Variants in ASIP observed in about 807,000 individuals in gnomAD.
ASIP encodes the protein agouti-signaling protein.
Under a neutral mutation model 10.3 loss-of-function variants are expected in ASIP, and 11 were observed. That is an observed-to-expected ratio of 1.07 (90% CI 0.68 to 1.78). The LOEUF (loss-of-function observed/expected upper bound fraction) is 1.78. Among genes scored for constraint, ASIP ranks in the 40% most tolerant of loss-of-function variants. ASIP has a pLI of 0.00. For missense variants in ASIP, 180 were observed against 169.2 expected, an observed-to-expected ratio of 1.06 and a Z score of -0.35; for synonymous variants, 70 against 70.8, an observed-to-expected ratio of 0.99 and a Z score of 0.06.
chr20:34,205,006 A>C (rs1333468817), intron 1 of ASIP, among the ~76,000 whole-genome samples: 2 of 152,242 alleles, frequency 1.3e-5, no homozygotes, highest in Non-Finnish European at 2.9e-5. Context: ...TTATTTTGAA[A>C]GGTACAATAA....
At chr20:34,265,031 G>A (rs970378876) in intron 3 of ASIP, among the ~76,000 whole-genome samples, 1 of 151,958 alleles carries the variant, frequency 6.6e-6, no homozygotes, top group Non-Finnish European at 1.5e-5. Context: ...CCTGAGTTCA[G>A]GCAATCCGCT....
upstream of ASIP, among the ~76,000 whole-genome samples, chr20:34,236,611 G>T (rs1210789533): frequency 6.6e-6 from 1 of 152,144 alleles, no homozygotes; most frequent in East Asian, 1.9e-4. Flanking sequence ...ACCACTTTGG[G>T]AGTCTGGGGT....
chr20:34,235,984 GA>G (rs567049528), intron 1 of ASIP, among the ~76,000 whole-genome samples: 30 of 128,854 alleles, frequency 2.3e-4, no homozygotes, highest in South Asian at 4.9e-4. Context: ...AGGGAAGAAG[GA>G]AAGAAGGAAG....
At chr20:34,202,899 C>T (rs992468345) in intron 1 of ASIP, among the ~76,000 whole-genome samples, 6 of 150,248 alleles carry the variant, frequency 4.0e-5, no homozygotes, top group African/African-American at 1.2e-4. Context: ...AGCTCCGCCT[C>T]CCAGGTTCAC....
chr20:34,253,014 A>G (rs2035503557), intron 1 of ASIP, among the ~76,000 whole-genome samples: 1 of 152,232 alleles, frequency 6.6e-6, no homozygotes, highest in African/African-American at 2.4e-5. Flanking sequence ...AGCATCTCAA[A>G]GCAGAAACAA....
intron 3 of ASIP, among the ~76,000 whole-genome samples, chr20:34,265,722 G>A (rs906331945): frequency 1.3e-5 from 2 of 152,018 alleles, no homozygotes; most frequent in Non-Finnish European, 1.5e-5. Flanking sequence ...GGCCAAGGAG[G>A]GTGGATCACC....
upstream of ASIP, among the ~76,000 whole-genome samples, chr20:34,240,091 T>C (rs1032709704): frequency 6.6e-6 from 1 of 152,090 alleles, no homozygotes; most frequent in Admixed American, 6.5e-5. Context: ...ATTAGAGAAA[T>C]GTTCTATACT....
chr20:34,203,409 A>ATT (rs1330868213), intron 1 of ASIP, among the ~76,000 whole-genome samples: 6 of 150,268 alleles, frequency 4.0e-5, no homozygotes, highest in African/African-American at 1.5e-4. Flanking sequence ...TTATATATAT[A>ATT]TTTTTTGAGA....
rs111351984 is a variant in ASIP, at chr20:34,255,335, T to C, written c.-10-5030T>C. The stretch of plus-strand genomic sequence containing the variant: ...CTCCTGCCACCTTTTTCTTTCTTCC[T>C]TTCTTTTCTTTTTTGGTATGATCAC... On this transcript the variant is annotated intron_variant, in intron 1 of 3. Transcript: ENST00000374954. 4.7e-4 allele frequency among the ~76,000 whole-genome samples: 72 copies of C among 152,250 alleles called. 1 individual carries two copies. Among genetic ancestry groups the C allele is most frequent in the Middle Eastern group, 6.8e-3 (2 of 294 alleles).
At chr20:34,244,754 G>A (rs1208793346) in intron 1 of ASIP, among the ~76,000 whole-genome samples, 1 of 152,122 alleles carries the variant, frequency 6.6e-6, no homozygotes, top group Non-Finnish European at 1.5e-5. Flanking sequence ...AAGGCTTTTA[G>A]CATACTTTAT....
chr20:34,204,133 TTAA>T (rs1383338248), intron 1 of ASIP, among the ~76,000 whole-genome samples: 2 of 152,274 alleles, frequency 1.3e-5, no homozygotes, highest in African/African-American at 4.8e-5. Context: ...CTTAATTAAC[TTAA>T]TAATTCTTAT....
chr20:34,205,007 G>C (rs1159839737), intron 1 of ASIP, among the ~76,000 whole-genome samples: 1 of 152,122 alleles, frequency 6.6e-6, no homozygotes, highest in African/African-American at 2.4e-5. Flanking sequence ...TATTTTGAAA[G>C]GTACAATAAA....
At chr20:34,267,522 T>C (rs1267516452) in intron 3 of ASIP, among the ~76,000 whole-genome samples, 1 of 150,672 alleles carries the variant, frequency 6.6e-6, no homozygotes, top group South Asian at 2.1e-4. Context: ...AATTTGCTTA[T>C]GGCCACTTTA....
intron 1 of ASIP, among the ~76,000 whole-genome samples, chr20:34,233,902 C>G (rs1172780533): frequency 6.6e-6 from 1 of 152,190 alleles, no homozygotes. Context: ...CACCAATTTA[C>G]CAGGAGCCAG....
At chr20:34,262,768 C>T in intron 2 of ASIP, 64 bp from the exon 3 acceptor site, 1 of 1,587,262 alleles carries the variant, frequency 6.3e-7, no homozygotes. Context: ...CTGCCCCTCT[C>T]ACTTCACTGC....
At chr20:34,217,438 A>T (rs1218173421) in intron 1 of ASIP, among the ~76,000 whole-genome samples, 1 of 151,252 alleles carries the variant, frequency 6.6e-6, no homozygotes, top group Non-Finnish European at 1.5e-5. Context: ...ACTCCAACTC[A>T]AAAAAAGAAA....
chr20:34,189,215 G>T, the ASIP span, among the ~76,000 whole-genome samples: 1 of 152,144 alleles, frequency 6.6e-6, no homozygotes, highest in African/African-American at 2.4e-5. Flanking sequence ...TTCTGGCCAT[G>T]TGGGTAGCTT....
In ASIP at chr20:34,207,767, C is replaced by CATTTATTT. The variant is rs147074537; in HGVS notation, c.-11+13040_-11+13047dup. Reference sequence around the variant, plus strand: ...TATGGATATCCAGTTTTTCCAGCACCATTTATTTATTTATTTATTTATTTA... The same window carrying CATTTATTT: ...TATGGATATCCAGTTTTTCCAGCACCATTTATTTATTTATTTATTTATTTATTTATTTA... On this transcript the variant is annotated intron_variant, in intron 1 of 3. Coordinates refer to the ASIP transcript ENST00000568305. 1.4e-3 allele frequency among the ~76,000 whole-genome samples: 215 copies of CATTTATTT among 149,432 alleles called. 1 individual carries two copies. The highest frequency in any genetic ancestry group is 7.6e-3 in the South Asian group (36 of 4,708).
Position 34,260,430 on chromosome 20 carries a change from CT to C in ASIP, c.57del (p.Ala20ProfsTer17). ...ATLLVFLCFF[T>X]ANSHLPPEEK... ...CTGCTGGTCTTCCTCTGCTTCTTCA[CT>C]GCCAACAGCCACCTGCCACCTGAGG... is the stretch of plus-strand genomic sequence containing the variant. On this transcript the variant is annotated frameshift_variant, in exon 2 of 4. Coordinates refer to ENST00000374954, the MANE Select transcript of ASIP (RefSeq NM_001672.3). LOFTEE classifies it high-confidence loss of function. 1 of 1,614,178 alleles carries C rather than the reference CT, an allele frequency of 6.2e-7. No individual in the cohort carries two copies. Among genetic ancestry groups the C allele is most frequent in the East Asian group, 2.2e-5 (1 of 44,888 alleles).
Sources: gnomAD v4.1 joint callset for allele counts (sites outside exome capture counted in the v4.1 genomes callset) on GRCh38, gnomAD v4.1.1 for gene constraint, MANE v1.5 for transcripts, NCBI Gene and HGNC (gene_info 2026-07-23, HGNC 2026-07-21) for gene names.